Variants in DSCAM observed in about 807,000 individuals in gnomAD.
The protein encoded by DSCAM is DS cell adhesion molecule.
DSCAM carries 47 observed loss-of-function variants against 217.7 expected under a neutral mutation model. The observed-to-expected ratio is 0.22, with a 90% CI of 0.17 to 0.28. DSCAM has a LOEUF of 0.28. Ranked by LOEUF, DSCAM falls within the 10% of genes least tolerant of loss-of-function variation. The pLI is 1.00. For synonymous variants in DSCAM, 1,056 were observed against 1,015.3 expected (o/e 1.04, Z -0.76); for missense variants, 2,080 against 2,618.3 (o/e 0.79, Z 4.49).
At chr21:40,578,611 A>C (rs765359989) in intron 3 of DSCAM, among the ~76,000 whole-genome samples, 3 of 152,176 alleles carry the variant, frequency 2.0e-5, no homozygotes, top group Non-Finnish European at 2.9e-5. Flanking sequence ...CCCCTTTTGC[A>C]CTGTGGTACC....
intron 32 of DSCAM, among the ~76,000 whole-genome samples, chr21:40,017,842 G>A (rs937934325): frequency 2.2e-4 from 34 of 152,228 alleles, no homozygotes; most frequent in East Asian, 9.7e-4. Context: ...GTGAGCCACC[G>A]CACCTGGCCC....
intron 16 of DSCAM, among the ~76,000 whole-genome samples, chr21:40,159,663 C>T (rs2090518057): frequency 6.6e-6 from 1 of 152,186 alleles, no homozygotes; most frequent in African/African-American, 2.4e-5. Flanking sequence ...CTCACTGCAG[C>T]CTCTGTCTCC....
chr21:40,169,747 G>A (rs1008684282), intron 15 of DSCAM, among the ~76,000 whole-genome samples: 2 of 152,124 alleles, frequency 1.3e-5, no homozygotes, highest in African/African-American at 2.4e-5. Context: ...GACAAGAGCT[G>A]GAGAGAGAGG....
At chr21:40,379,557 T>C (rs1270305176) in intron 3 of DSCAM, among the ~76,000 whole-genome samples, 1 of 152,176 alleles carries the variant, frequency 6.6e-6, no homozygotes, top group African/African-American at 2.4e-5. Context: ...GAATCTGCCA[T>C]GTAGCTGATC....
At chr21:40,644,452 A>G (rs1194301024) in intron 3 of DSCAM, among the ~76,000 whole-genome samples, 1 of 152,134 alleles carries the variant, frequency 6.6e-6, no homozygotes, top group Non-Finnish European at 1.5e-5. Flanking sequence ...CAGTTCTAGG[A>G]AAGATTAGCA....
At chr21:40,146,008 A>G (rs1323779187) in intron 16 of DSCAM, among the ~76,000 whole-genome samples, 10 of 152,140 alleles carry the variant, frequency 6.6e-5, no homozygotes, top group Admixed American at 6.6e-4. Flanking sequence ...ATATGTATGT[A>G]TATACATATA....
At chr21:40,351,963 G>T (rs147830809) in intron 5 of DSCAM, among the ~76,000 whole-genome samples, 1,815 of 152,244 alleles carry the variant, frequency 0.012, 11 homozygotes, top group Non-Finnish European at 0.015. Flanking sequence ...TTGCAATCAG[G>T]AAAGGAATAG....
At chr21:40,541,968 C>T (rs1200134462) in intron 3 of DSCAM, among the ~76,000 whole-genome samples, 1 of 152,140 alleles carries the variant, frequency 6.6e-6, no homozygotes, top group Non-Finnish European at 1.5e-5. Flanking sequence ...AAGAATGTCA[C>T]TTGCATAGAT....
At chr21:40,362,222 G>T (rs571053474) in intron 4 of DSCAM, among the ~76,000 whole-genome samples, 7 of 151,818 alleles carry the variant, frequency 4.6e-5, no homozygotes, top group Non-Finnish European at 7.4e-5. Flanking sequence ...GAATAGTGCC[G>T]CAATAAACAT....
intron 3 of DSCAM, among the ~76,000 whole-genome samples, chr21:40,489,774 CAAA>C (rs35247505): frequency 8.5e-5 from 4 of 47,172 alleles, no homozygotes; most frequent in Non-Finnish European, 1.1e-4. Context: ...GACTCCGTCT[CAAA>C]AAAAAAAAAA....
chr21:40,756,834 C>T (rs1261979433), intron 1 of DSCAM, among the ~76,000 whole-genome samples: 1 of 152,030 alleles, frequency 6.6e-6, no homozygotes, highest in Non-Finnish European at 1.5e-5. Flanking sequence ...AGCTGAGGCA[C>T]AGAAAGGTTG....
intron 3 of DSCAM, among the ~76,000 whole-genome samples, chr21:40,600,078 G>C (rs1168297408): frequency 1.3e-5 from 2 of 152,234 alleles, no homozygotes; most frequent in African/African-American, 4.8e-5. Flanking sequence ...AATTGAAAAG[G>C]AGGGACTCCT....
At chr21:40,082,080 T>C (rs1425063612) in intron 24 of DSCAM, among the ~76,000 whole-genome samples, 2 of 152,188 alleles carry the variant, frequency 1.3e-5, no homozygotes, top group African/African-American at 4.8e-5. Context: ...AGGAGCCTAG[T>C]TTCTCTCACT....
At chr21:40,301,655 T>G (rs1231947144) in intron 9 of DSCAM, among the ~76,000 whole-genome samples, 1 of 112,114 alleles carries the variant, frequency 8.9e-6, no homozygotes, top group Non-Finnish European at 1.6e-5. Context: ...TACCAGGCTG[T>G]GCATGCTATG....
intron 3 of DSCAM, among the ~76,000 whole-genome samples, chr21:40,400,140 A>G (rs2123773659): frequency 6.6e-6 from 1 of 152,036 alleles, no homozygotes; most frequent in East Asian, 1.9e-4. Flanking sequence ...GCCCCTTTAC[A>G]CTTTTCCAAA....
intron 15 of DSCAM, among the ~76,000 whole-genome samples, chr21:40,175,355 C>A (rs1366490660): frequency 6.6e-6 from 1 of 152,110 alleles, no homozygotes; most frequent in Non-Finnish European, 1.5e-5. Context: ...CTCAAGTGAT[C>A]CCCCTGCCTC....
At chr21:40,365,001 A>G (rs1338632071) in intron 4 of DSCAM, among the ~76,000 whole-genome samples, 6 of 150,622 alleles carry the variant, frequency 4.0e-5, no homozygotes, top group Non-Finnish European at 7.4e-5. Context: ...TAACATAAAC[A>G]TAATCACTTT....
At chr21:40,709,969 G>C (rs764140095) in intron 1 of DSCAM, among the ~76,000 whole-genome samples, 1 of 152,108 alleles carries the variant, frequency 6.6e-6, no homozygotes, top group Non-Finnish European at 1.5e-5. Flanking sequence ...GTGTTAAAGC[G>C]TTCCTATTTC....
intron 14 of DSCAM, among the ~76,000 whole-genome samples, chr21:40,184,982 G>A (rs911896002): frequency 6.6e-6 from 1 of 152,152 alleles, no homozygotes; most frequent in Non-Finnish European, 1.5e-5. Flanking sequence ...CCTTCTTAGA[G>A]TTCACCAATT....
Sources: gnomAD v4.1 joint callset for allele counts (sites outside exome capture counted in the v4.1 genomes callset) on GRCh38, gnomAD v4.1.1 for gene constraint, MANE v1.5 for transcripts, NCBI Gene and HGNC (gene_info 2026-07-23, HGNC 2026-07-21) for gene names.